The following TTC21B variants were observed in gnomAD, a reference collection of about 807,000 sequenced individuals.
The protein encoded by TTC21B is tetratricopeptide repeat protein 21B.
A neutral mutation model predicts 175.1 loss-of-function variants in TTC21B; 127 were observed. The ratio of observed to expected loss-of-function variants is 0.73; its 90% CI spans 0.63 to 0.84. The LOEUF is 0.84. Among genes scored for constraint, TTC21B ranks in the 40% least tolerant of loss-of-function variants. The pLI, the probability that TTC21B is intolerant of heterozygous loss-of-function variation, is 0.00. For missense variants in TTC21B, 1,561 were observed against 1,558.3 expected (o/e 1.00, Z -0.03); for synonymous variants, 524 against 524.5 (o/e 1.00, Z 0.01).
intron 25 of TTC21B, among the ~76,000 whole-genome samples, chr2:165,888,038 A>G (rs928642395): frequency 6.6e-6 from 1 of 152,226 alleles, no homozygotes; most frequent in Non-Finnish European, 1.5e-5. Flanking sequence ...CTTTTGAAGA[A>G]TTCAGTTTCT....
In TTC21B at chr2:165,929,132, T is replaced by C. The variant is rs761002188; in HGVS notation, c.1386+3A>G. 1.2e-6 allele frequency: 2 copies of C among 1,612,144 alleles called. No individual in the cohort carries two copies. Among genetic ancestry groups the C allele is most frequent in the East Asian group, 2.2e-5 (1 of 44,742 alleles). Reference sequence around the variant, plus strand: ...CTTGAAAGTAAGTCCCATAATTACTTACCTGCATTGGACAGAAGCTCAGAT... The same window carrying C: ...CTTGAAAGTAAGTCCCATAATTACTCACCTGCATTGGACAGAAGCTCAGAT... On this transcript the variant is annotated splice_donor_region_variant and intron_variant, in intron 11 of 28. Coordinates refer to ENST00000243344, the MANE Select transcript of TTC21B (RefSeq NM_024753.5).
chr2:165,951,563 C>G (rs1156427739), intron 1 of TTC21B, among the ~76,000 whole-genome samples: 1 of 152,168 alleles, frequency 6.6e-6, no homozygotes, highest in African/African-American at 2.4e-5. Context: ...TGCCCAGTCT[C>G]TCTAAGTCTA....
At chr2:165,880,561 A>C in intron 27 of TTC21B, 118 bp downstream of exon 27, 3 of 1,065,694 alleles carry the variant, frequency 2.8e-6, no homozygotes, top group Non-Finnish European at 4.2e-6. Context: ...AGAAAGGTTG[A>C]CAATGAAAAT....
chr2:165,900,889 G>A (rs1225528425), intron 20 of TTC21B, among the ~76,000 whole-genome samples: 1 of 148,888 alleles, frequency 6.7e-6, no homozygotes, highest in African/African-American at 2.5e-5. Flanking sequence ...TAATTGTAAT[G>A]TTCTTTTTTC....
Position 165,873,453 on chromosome 2 carries a change from G to A in TTC21B, c.*1302C>T, listed in dbSNP as rs1233741059. On this transcript the variant is annotated 3_prime_UTR_variant, in exon 29 of 29. Coordinates refer to ENST00000243344, the MANE Select transcript of TTC21B (RefSeq NM_024753.5). ...GGAAAATTGAAAAAGATGTAGATGA[G>A]AAATTAAAAATAATGCTAAGGATTA... 6.6e-6 allele frequency: 1 copy of A among 152,152 alleles called. No homozygotes were observed. Among genetic ancestry groups the A allele is most frequent in the Non-Finnish European group, 1.5e-5 (1 of 68,018 alleles). 9.4% of individuals were successfully genotyped at this position (152,152 alleles called of 1,614,324 possible).
chr2:165,937,238 A>G (rs1687183144), intron 6 of TTC21B, among the ~76,000 whole-genome samples: 1 of 152,124 alleles, frequency 6.6e-6, no homozygotes, highest in South Asian at 2.1e-4. Flanking sequence ...GGAAGAGGTA[A>G]AACTATAAAG....
rs772142302 is a variant in TTC21B, at chr2:165,888,381, G to A, written c.3357C>T (p.His1119=). The change falls in exon 25 of 29, where the codon CAC becomes CAT. Residue 1119 remains histidine (H), a synonymous_variant. Transcript: ENST00000243344. ...KELKPQTVQG[H]VQLRIMENYC... ...AGTTTTCCATTATGCGAAGCTGTAC[G>A]TGACCCTGAACAGTCTGAGGTTTTA... is the stretch of plus-strand genomic sequence containing the variant. 1.1e-5 allele frequency: 17 copies of A among 1,613,600 alleles called. 1 individual carries two copies. Among genetic ancestry groups the A allele is most frequent in the African/African-American group, 8.0e-5 (6 of 74,892 alleles).
intron 1 of TTC21B, chr2:165,949,983 C>T (rs1169952348): frequency 2.0e-5 from 6 of 296,272 alleles, no homozygotes; most frequent in East Asian, 7.4e-5. Context: ...TTAACAGCAC[C>T]GAAATGAGGC....
At chr2:165,915,127 A>G in intron 15 of TTC21B, 74 bp downstream of exon 15, 1 of 1,230,972 alleles carries the variant, frequency 8.1e-7, no homozygotes, top group Non-Finnish European at 1.2e-6. Flanking sequence ...GTTGAAAGAA[A>G]GTTAAAAAAA....
At chr2:165,911,821 C>G (rs1239288783) in intron 17 of TTC21B, among the ~76,000 whole-genome samples, 1 of 152,000 alleles carries the variant, frequency 6.6e-6, no homozygotes, top group Non-Finnish European at 1.5e-5. Flanking sequence ...CACCACCATG[C>G]CCAGCTAATT....
intron 17 of TTC21B, 52 bp downstream of exon 17, chr2:165,912,462 G>A: frequency 1.5e-6 from 2 of 1,376,028 alleles, no homozygotes; most frequent in Non-Finnish European, 2.1e-6. Context: ...CTCGAGGACA[G>A]GGTATGATAA....
At chr2:165,947,169 C>CAAATATATATATATATATAT (rs1687600800) in intron 3 of TTC21B, 1 of 91,710 alleles carries the variant, frequency 1.1e-5, no homozygotes, top group Non-Finnish European at 1.9e-5. Flanking sequence ...TCCCCTCCCC[C>CAAATATATATATATATATAT]ATATATATAT....
chr2:165,922,614 A>C (rs553625801), intron 12 of TTC21B, among the ~76,000 whole-genome samples: 1 of 150,820 alleles, frequency 6.6e-6, no homozygotes, highest in African/African-American at 2.4e-5. Context: ...GGTCAAAGGG[A>C]ACACTTATAC....
At position 165,919,304 on chromosome 2, in the gene TTC21B, A is replaced by G; in HGVS notation, c.1646T>C (p.Leu549Pro). The change falls in exon 13 of 29, where the codon CTT becomes CCT. Residue 549 changes from leucine to proline, a missense_variant. Transcript: ENST00000243344. ...QEKVKLCSQS[L>P]ELCLSYDFKV... is the part of the protein sequence containing the mutation. Reference sequence around the variant, plus strand: ...AAAATCATAGCTCAGACAAAGTTCAAGAGACTGAGAACACAATTTGACTTT... The same window carrying G: ...AAAATCATAGCTCAGACAAAGTTCAGGAGACTGAGAACACAATTTGACTTT... 6.2e-7 allele frequency: 1 copy of G among 1,614,134 alleles called. No individual in the cohort carries two copies. Among genetic ancestry groups the G allele is most frequent in the Non-Finnish European group, 8.5e-7 (1 of 1,179,978 alleles).
At position 165,949,581 on chromosome 2, in the gene TTC21B, T is replaced by C. The variant is rs1170484864; in HGVS notation, c.151+14A>G. Reference sequence around the variant, plus strand: ...TTTAAAACTGATGGAACATGTTTAATGATTAACACGTACCTTCCATTAATG... The same window carrying C: ...TTTAAAACTGATGGAACATGTTTAACGATTAACACGTACCTTCCATTAATG... On this transcript the variant is annotated intron_variant, in intron 2 of 28. Coordinates refer to ENST00000243344, the MANE Select transcript of TTC21B (RefSeq NM_024753.5). 6.2e-6 allele frequency: 10 copies of C among 1,613,818 alleles called. No homozygotes were observed. The highest frequency in any genetic ancestry group is 8.5e-6 in the Non-Finnish European group (10 of 1,179,846).
chr2:165,949,784 G>T (rs1687705182), intron 1 of TTC21B, 60 bp from the exon 2 acceptor site: 2 of 1,512,004 alleles, frequency 1.3e-6, no homozygotes, highest in East Asian at 4.5e-5. Flanking sequence ...AATACTCTAA[G>T]AAGCAGATAA....
chr2:165,899,813 G>A lies in TTC21B; in HGVS notation c.2825C>T (p.Ala942Val), dbSNP rs1452813023. 6.2e-7 allele frequency: 1 copy of A among 1,613,978 alleles called. No homozygotes were observed. The highest frequency in any genetic ancestry group is 1.1e-5 in the South Asian group (1 of 91,084). Residue 942 changes from alanine (A) to valine (V), a missense_variant, in exon 21 of 29, where the codon GCT becomes GTT. Coordinates refer to ENST00000243344, the MANE Select transcript of TTC21B (RefSeq NM_024753.5). ...ATCCTGGTCACTCTGAAGCAGTAGA[G>A]CACACTGCCGCAGGCAGGAATCAGG... ...DDPDSCLRQC[A>V]LLLQSDQDNE...
intron 6 of TTC21B, among the ~76,000 whole-genome samples, chr2:165,938,910 T>C (rs991908079): frequency 5.3e-5 from 8 of 152,168 alleles, no homozygotes; most frequent in African/African-American, 1.7e-4. Context: ...TTTGAGACTA[T>C]TGGTAATTTG....
At chr2:165,902,325 G>A (rs895918451) in intron 19 of TTC21B, among the ~76,000 whole-genome samples, 11 of 152,218 alleles carry the variant, frequency 7.2e-5, no homozygotes, top group Middle Eastern at 3.4e-3. Context: ...TTAATAAATG[G>A]TAAGAACTCA....
Sources: gnomAD v4.1 joint callset for allele counts (sites outside exome capture counted in the v4.1 genomes callset) on GRCh38, gnomAD v4.1.1 for gene constraint, MANE v1.5 for transcripts, NCBI Gene and HGNC (gene_info 2026-07-23, HGNC 2026-07-21) for gene names.